Variants in SGCD observed in about 807,000 individuals in gnomAD.
SGCD encodes sarcoglycan delta, also known as delta-sarcoglycan.
In SGCD, 18 loss-of-function variants were observed where a neutral mutation model predicts 36.6. The observed-to-expected ratio is 0.49, with a 90% confidence interval of 0.34 to 0.73. SGCD has a LOEUF of 0.73. Among genes scored for constraint, SGCD ranks in the 30% least tolerant of loss-of-function variants. The pLI is 0.01. For synonymous variants in SGCD, 133 were observed against 130.6 expected (o/e 1.02, Z -0.12); for missense variants, 387 against 346.7 (o/e 1.12, Z -0.92).
intron 4 of SGCD, among the ~76,000 whole-genome samples, chr5:156,547,704 A>G (rs969112173): frequency 2.0e-5 from 3 of 152,164 alleles, no homozygotes; most frequent in African/African-American, 7.2e-5. Context: ...GGCCTCCCAA[A>G]GTGCTGGGAT....
the SGCD span, among the ~76,000 whole-genome samples, chr5:155,791,930 A>G: frequency 1.1e-4 from 16 of 152,274 alleles, no homozygotes; most frequent in Admixed American, 1.0e-3. Flanking sequence ...TATGGATGCA[A>G]AAAGAGCAAA....
At chr5:155,888,096 CT>C (rs1369455826) in intron 1 of SGCD, among the ~76,000 whole-genome samples, 4 of 152,200 alleles carry the variant, frequency 2.6e-5, no homozygotes, top group Non-Finnish European at 5.9e-5. Context: ...CAAATTCAGT[CT>C]TTTTGCCTCT....
At position 156,431,609 on chromosome 5, in the gene SGCD, G is replaced by C. The variant is rs1359605060; in HGVS notation, c.193-76992G>C. Reference sequence around the variant, plus strand: ...AAAGATCTGGGACTCAAGGTCTGCTGTTAAGATTATTTTGTCCCACGGGGT... The same window carrying C: ...AAAGATCTGGGACTCAAGGTCTGCTCTTAAGATTATTTTGTCCCACGGGGT... On this transcript the variant is annotated intron_variant, in intron 3 of 8. Coordinates refer to ENST00000337851, the MANE Select transcript of SGCD (RefSeq NM_000337.6). Among the ~76,000 whole-genome samples the C allele has an allele frequency of 2.6e-5, 4 of 152,216 alleles. No homozygotes were observed. The East Asian group carries it at 5.8e-4, about 22-fold the overall frequency.
At chr5:156,393,704 T>C in intron 3 of SGCD, 1 of 456,068 alleles carries the variant, frequency 2.2e-6, no homozygotes, top group South Asian at 1.5e-5. Context: ...GAGCCATTGG[T>C]ACATAGTTAC....
the SGCD span, among the ~76,000 whole-genome samples, chr5:155,854,739 C>T: frequency 6.6e-6 from 1 of 152,140 alleles, no homozygotes; most frequent in Non-Finnish European, 1.5e-5. Flanking sequence ...AGAAGTATTA[C>T]ATGTCATACA....
intron 1 of SGCD, among the ~76,000 whole-genome samples, chr5:155,974,472 G>T (rs1758069663): frequency 6.6e-6 from 1 of 151,786 alleles, no homozygotes; most frequent in South Asian, 2.1e-4. Context: ...TCCAGGAAGG[G>T]TATTCCCACA....
intron 2 of SGCD, among the ~76,000 whole-genome samples, chr5:156,119,673 C>T (rs1299311361): frequency 6.6e-6 from 1 of 152,128 alleles, no homozygotes; most frequent in Non-Finnish European, 1.5e-5. Context: ...TTAAGACCCA[C>T]TTAGAGTTGC....
chr5:156,472,442 G>T (rs1321701877), intron 3 of SGCD, among the ~76,000 whole-genome samples: 1 of 151,886 alleles, frequency 6.6e-6, no homozygotes. Context: ...TTTCGAGGCC[G>T]AGTCTCACTC....
the SGCD span, among the ~76,000 whole-genome samples, chr5:155,748,590 C>T: frequency 1.3e-5 from 2 of 152,168 alleles, no homozygotes; most frequent in African/African-American, 4.8e-5. Context: ...TACAACCTCA[C>T]TCCAAAACAG....
intron 2 of SGCD, among the ~76,000 whole-genome samples, chr5:156,338,314 T>A (rs886507015): frequency 6.6e-6 from 1 of 152,174 alleles, no homozygotes; most frequent in African/African-American, 2.4e-5. Context: ...GGAACAAAGA[T>A]GCAAACAAAA....
chr5:156,700,040 G>A lies in SGCD; in HGVS notation c.575+52504G>A, dbSNP rs182861037. ...AGTCCAATCTGGTTGGAATGTGGAGGGTGGTCTTGACTATTGCCTGTCCCT... is the reference window on the plus strand; with the variant it reads ...AGTCCAATCTGGTTGGAATGTGGAGAGTGGTCTTGACTATTGCCTGTCCCT... On this transcript the variant is annotated intron_variant, in intron 7 of 8. Transcript: ENST00000337851. 5.3e-5 allele frequency among the ~76,000 whole-genome samples: 8 copies of A among 152,258 alleles called. No homozygotes were observed. The East Asian group carries it at 1.2e-3, about 22-fold the overall frequency.
chr5:155,889,859 C>A (rs1243507447), intron 1 of SGCD, among the ~76,000 whole-genome samples: 1 of 152,148 alleles, frequency 6.6e-6, no homozygotes. Context: ...CCGCCCTATT[C>A]CTTGGGCTGG....
rs976189740 is a variant in SGCD, at chr5:156,261,906, A to G, written c.-43-67628A>G. 3.3e-5 allele frequency among the ~76,000 whole-genome samples: 5 copies of G among 152,344 alleles called. No homozygotes were observed. In the South Asian group the frequency reaches 1.0e-3, roughly 32 times the overall value. ...TTAAAATTTAAAAACAAAAGCTTACAGAGTAAAAATATAAAGCAGAAAAAT... is the reference window on the plus strand; with the variant it reads ...TTAAAATTTAAAAACAAAAGCTTACGGAGTAAAAATATAAAGCAGAAAAAT... On this transcript the variant is annotated intron_variant, in intron 3 of 9. Transcript: ENST00000517913.
intron 7 of SGCD, among the ~76,000 whole-genome samples, chr5:156,648,834 A>G (rs933183895): frequency 9.9e-5 from 15 of 152,096 alleles, no homozygotes; most frequent in Non-Finnish European, 1.0e-4. Flanking sequence ...TTAGGACTCT[A>G]TGAGAAAGAG....
chr5:155,931,531 GT>G (rs966125112), intron 1 of SGCD, among the ~76,000 whole-genome samples: 1 of 152,044 alleles, frequency 6.6e-6, no homozygotes, highest in Non-Finnish European at 1.5e-5. Flanking sequence ...AAATTGTGGG[GT>G]TTTTTGTTTT....
chr5:156,219,547 T>A (rs903915502), intron 3 of SGCD, among the ~76,000 whole-genome samples: 6 of 152,144 alleles, frequency 3.9e-5, no homozygotes, highest in Non-Finnish European at 7.4e-5. Context: ...TTTTTTCACA[T>A]GATTAAGGAT....
chr5:156,178,116 T>G (rs28524790), intron 3 of SGCD, among the ~76,000 whole-genome samples: 44,661 of 151,986 alleles, frequency 0.29, 6,993 homozygotes, highest in East Asian at 0.57. Context: ...CTCATGTAAT[T>G]TATTGAATAA....
At chr5:156,675,087 T>C (rs41075) in intron 7 of SGCD, among the ~76,000 whole-genome samples, 139,516 of 152,222 alleles carry the variant, frequency 0.92, 64,106 homozygotes, top group East Asian at 0.99. Flanking sequence ...TGAGCAGAAC[T>C]GTGGAGTCTG....
intron 4 of SGCD, among the ~76,000 whole-genome samples, chr5:156,515,202 A>G (rs73297112): frequency 0.024 from 3,575 of 149,564 alleles, 157 homozygotes; most frequent in African/African-American, 0.083. Context: ...TGGGTCTAGC[A>G]TTCTTGGCAC....
Sources: gnomAD v4.1 joint callset for allele counts (sites outside exome capture counted in the v4.1 genomes callset) on GRCh38, gnomAD v4.1.1 for gene constraint, MANE v1.5 for transcripts, NCBI Gene and HGNC (gene_info 2026-07-23, HGNC 2026-07-21) for gene names.